BCL2L13: variants seen among roughly 807,000 people sequenced by gnomAD.
BCL2L13 encodes bcl-2-like protein 13.
In BCL2L13, 13 loss-of-function variants were observed where a neutral mutation model predicts 25.8. That is an observed-to-expected ratio of 0.50 (90% CI 0.33 to 0.80). The LOEUF (loss-of-function observed/expected upper bound fraction) is 0.80, where lower values mean the gene tolerates loss of function less well. Among genes scored for constraint, BCL2L13 ranks in the 30% least tolerant of loss-of-function variants. The pLI is 0.02. For synonymous variants in BCL2L13, 244 were observed against 230.3 expected, an observed-to-expected ratio of 1.06 and a Z score of -0.54; for missense variants, 504 against 574.9, an observed-to-expected ratio of 0.88 and a Z score of 1.26.
At chr22:17,679,803 T>C (rs1297104254) in intron 2 of BCL2L13, among the ~76,000 whole-genome samples, 2 of 152,146 alleles carry the variant, frequency 1.3e-5, no homozygotes, top group African/African-American at 2.4e-5. Context: ...TTCTAGTCTC[T>C]GGATACAAAT....
At position 17,727,454 on chromosome 22, in the gene BCL2L13, A is replaced by G. The variant is rs1014350605; in HGVS notation, c.1378A>G (p.Ile460Val). Residue 460 changes from isoleucine (I) to valine (V), a missense_variant, in exon 7 of 7, where the codon ATA (isoleucine) becomes GTA (valine). By Grantham distance (29) the Ile-to-Val change is conservative. Coordinates refer to ENST00000317582, the MANE Select transcript of BCL2L13 (RefSeq NM_015367.4). Reference protein sequence around the residue: ...KPMPLSEGKSILLFGGAAAVA... With the variant: ...KPMPLSEGKSVLLFGGAAAVA... ...CATGCCGCTGTCTGAGGGCAAGTCT[A>G]TACTGCTGTTTGGAGGGGCTGCTGC... The G allele has an allele frequency of 3.1e-6, 5 of 1,614,120 alleles. No homozygotes were observed. The highest frequency in any genetic ancestry group is 1.7e-5 in the Admixed American group (1 of 60,008).
At chr22:17,715,727 G>A (rs992564076) in intron 6 of BCL2L13, among the ~76,000 whole-genome samples, 1 of 152,178 alleles carries the variant, frequency 6.6e-6, no homozygotes, top group Non-Finnish European at 1.5e-5. Context: ...ATTCAGATGG[G>A]CAGAATTGGG....
rs1172063053 is a variant in BCL2L13 at position 17,660,414 on chromosome 22, TACTG to T, written c.121+4584_121+4587del. On this transcript the variant is annotated intron_variant, in intron 2 of 6. Coordinates refer to ENST00000317582, the MANE Select transcript of BCL2L13 (RefSeq NM_015367.4). ...GATCAGATTGGTTTATTTCTACACTTACTGATTGATTGATTGATTGATTGAGGCA... is the reference window on the plus strand; with the variant it reads ...GATCAGATTGGTTTATTTCTACACTTATTGATTGATTGATTGATTGAGGCA... 2.1e-5 allele frequency among the ~76,000 whole-genome samples: 3 copies of T among 145,702 alleles called. 1 individual carries two copies. Among genetic ancestry groups the T allele is most frequent in the Non-Finnish European group, 4.7e-5 (3 of 63,944 alleles).
chr22:17,684,509 T>A, intron 3 of BCL2L13: 1 of 447,560 alleles, frequency 2.2e-6, no homozygotes, highest in Non-Finnish European at 4.5e-6. Flanking sequence ...CATTCTGTTT[T>A]TATTGATTTG....
At chr22:17,667,430 C>T (rs1013842218) in intron 2 of BCL2L13, among the ~76,000 whole-genome samples, 8 of 152,128 alleles carry the variant, frequency 5.3e-5, no homozygotes, top group Admixed American at 4.6e-4. Context: ...CTTGGCCTCC[C>T]AAAGTGCTGG....
At chr22:17,708,958 G>A (rs891391781) in intron 6 of BCL2L13, among the ~76,000 whole-genome samples, 5 of 152,164 alleles carry the variant, frequency 3.3e-5, no homozygotes, top group African/African-American at 1.2e-4. Flanking sequence ...AGGCTCGGCC[G>A]AGCATGGTGG....
Position 17,709,957 on chromosome 22 carries a change from T to A in BCL2L13, c.600+7571T>A, listed in dbSNP as rs1019195222. Reference sequence around the variant, plus strand: ...AACTGGAAGTAATCTGTGGTCCCATTTACTCAGGAGGCTGAGGCAGGAGGA... The same window carrying A: ...AACTGGAAGTAATCTGTGGTCCCATATACTCAGGAGGCTGAGGCAGGAGGA... On this transcript the variant is annotated intron_variant, in intron 6 of 6. Coordinates refer to ENST00000317582, the MANE Select transcript of BCL2L13 (RefSeq NM_015367.4). Among the ~76,000 whole-genome samples the A allele has an allele frequency of 8.1e-5, 12 of 147,900 alleles. No individual in the cohort carries two copies. The Admixed American group carries it at 8.1e-4, about 10-fold the overall frequency.
rs530390332 is a variant in BCL2L13 at position 17,682,851 on chromosome 22, G to C, written c.122-363G>C. ...TTTGGCTTAACAAATTGCTATTGTA[G>C]GGCTGGGTGCAGTGGCTTACGCCTG... On this transcript the variant is annotated intron_variant, in intron 2 of 6. Transcript: ENST00000317582. 7.9e-5 allele frequency among the ~76,000 whole-genome samples: 12 copies of C among 152,136 alleles called. No homozygotes were observed. The South Asian group carries it at 2.3e-3, about 29-fold the overall frequency.
intron 2 of BCL2L13, among the ~76,000 whole-genome samples, chr22:17,663,780 T>TGTGG (rs1440402717): frequency 1.4e-5 from 2 of 141,980 alleles, no homozygotes; most frequent in Non-Finnish European, 3.0e-5. Flanking sequence ...TCCACCCGCC[T>TGTGG]AGTTCAAGCG....
chr22:17,668,781 A>C (rs143956314), intron 2 of BCL2L13, among the ~76,000 whole-genome samples: 1 of 152,012 alleles, frequency 6.6e-6, no homozygotes, highest in African/African-American at 2.4e-5. Flanking sequence ...GTTTTGAGTT[A>C]ATTTTTACAT....
At chr22:17,663,432 A>AC in intron 2 of BCL2L13, among the ~76,000 whole-genome samples, 1 of 152,220 alleles carries the variant, frequency 6.6e-6, no homozygotes, top group Non-Finnish European at 1.5e-5. Flanking sequence ...TATCAAAATG[A>AC]CTAAAAGGTC....
At chr22:17,679,516 C>A (rs981753912) in intron 2 of BCL2L13, among the ~76,000 whole-genome samples, 1 of 151,790 alleles carries the variant, frequency 6.6e-6, no homozygotes, top group Admixed American at 6.6e-5. Flanking sequence ...GTGATCCGCC[C>A]GCCTTGGCCT....
Position 17,726,532 on chromosome 22 carries a change from A to G in BCL2L13, c.601-145A>G. ...TTTCTCTGCATTGGCCTACAAATAC[A>G]TGCATTCCATTCGGAAACTATGTAG... On this transcript the variant is annotated intron_variant, in intron 6 of 6. Transcript: ENST00000317582. 5.4e-6 allele frequency: 5 copies of G among 923,626 alleles called. No individual in the cohort carries two copies. In the South Asian group the frequency reaches 7.1e-5, roughly 13 times the overall value. The allele number at this position is 923,626 out of a possible 1,614,324, so 57.2% of individuals were successfully genotyped here.
rs1241105233 is a variant in BCL2L13 at position 17,727,273 on chromosome 22, C to G, written c.1197C>G (p.Val399=). The G allele has an allele frequency of 6.2e-7, 1 of 1,614,216 alleles. No individual in the cohort carries two copies. Among genetic ancestry groups the G allele is most frequent in the South Asian group, 1.1e-5 (1 of 91,086 alleles). The change falls in exon 7 of 7, where the codon GTC becomes GTG. Residue 399 remains valine (V), a synonymous_variant. Transcript: ENST00000317582. The part of the protein sequence containing the change: ...TTEPTEVEEV[V]PALEPTETLL... ...AACCTACTGAAGTGGAGGAGGTGGTCCCCGCACTGGAACCCACAGAAACGC... is the reference window on the plus strand; with the variant it reads ...AACCTACTGAAGTGGAGGAGGTGGTGCCCGCACTGGAACCCACAGAAACGC...
intron 2 of BCL2L13, among the ~76,000 whole-genome samples, chr22:17,670,524 G>A (rs985543645): frequency 5.3e-5 from 8 of 151,958 alleles, no homozygotes; most frequent in East Asian, 1.9e-4. Flanking sequence ...ACAGGCATGC[G>A]CCATCATGCC....
intron 1 of BCL2L13, among the ~76,000 whole-genome samples, chr22:17,631,698 ATATATATATT>A (rs2058029584): frequency 6.9e-5 from 2 of 28,860 alleles, no homozygotes; most frequent in Admixed American, 7.4e-4. Flanking sequence ...ATATATATAT[ATATATATATT>A]TTTTTTTTTT....
intron 6 of BCL2L13, among the ~76,000 whole-genome samples, chr22:17,718,988 G>A (rs144460982): frequency 0.013 from 1,896 of 151,446 alleles, 19 homozygotes; most frequent in Non-Finnish European, 0.02. Context: ...GTGAAACCCC[G>A]TATCTACAAA....
At chr22:17,632,827 C>T (rs1447327103) in intron 1 of BCL2L13, among the ~76,000 whole-genome samples, 1 of 147,372 alleles carries the variant, frequency 6.8e-6, no homozygotes, top group Admixed American at 6.9e-5. Flanking sequence ...AATCTTGGCT[C>T]ACTGCAACCT....
At chr22:17,650,711 A>G (rs1025400719) in intron 1 of BCL2L13, among the ~76,000 whole-genome samples, 11 of 151,742 alleles carry the variant, frequency 7.2e-5, no homozygotes, top group Non-Finnish European at 1.5e-4. Flanking sequence ...GTTCATTCAC[A>G]TTGGTTTTTT....
Sources: gnomAD v4.1 joint callset for allele counts (sites outside exome capture counted in the v4.1 genomes callset) on GRCh38, gnomAD v4.1.1 for gene constraint, MANE v1.5 for transcripts, NCBI Gene and HGNC (gene_info 2026-07-23, HGNC 2026-07-21) for gene names.